ARHGAP12: variants seen among roughly 807,000 people sequenced by gnomAD.
The protein encoded by ARHGAP12 is Rho GTPase activating protein 12.
A neutral mutation model predicts 108.6 loss-of-function variants in ARHGAP12; 64 were observed. The observed-to-expected ratio is 0.59, with a 90% CI of 0.48 to 0.73. The LOEUF is 0.73. ARHGAP12 is among the 30% of genes least tolerant of loss of function. The pLI is 0.00. For missense variants in ARHGAP12, 940 were observed against 1,005.9 expected (o/e 0.93, Z 0.89); for synonymous variants, 312 against 337.2 (o/e 0.93, Z 0.82).
chr10:31,882,743 G>A (rs1294262121), intron 3 of ARHGAP12, among the ~76,000 whole-genome samples: 1 of 151,056 alleles, frequency 6.6e-6, no homozygotes, highest in Non-Finnish European at 1.5e-5. Flanking sequence ...AACTTGGGAG[G>A]TGGAAGCTGC....
chr10:31,847,212 G>A (rs1451360261), intron 6 of ARHGAP12, among the ~76,000 whole-genome samples: 2 of 151,996 alleles, frequency 1.3e-5, no homozygotes, highest in African/African-American at 4.8e-5. Context: ...ATCTTGGTGT[G>A]TCACCAACCT....
At chr10:31,823,454 A>G (rs1440764995) in intron 11 of ARHGAP12, among the ~76,000 whole-genome samples, 4 of 151,338 alleles carry the variant, frequency 2.6e-5, no homozygotes, top group African/African-American at 9.8e-5. Context: ...CATTTACTCA[A>G]TTTTAACCAT....
chr10:31,812,888 C>T, intron 14 of ARHGAP12, 65 bp from the exon 15 acceptor site: 1 of 871,458 alleles, frequency 1.1e-6, no homozygotes, highest in South Asian at 1.7e-5. Context: ...CAAGTTTTTC[C>T]AGCTAGCATG....
At chr10:31,875,751 C>T (rs762270459) in intron 3 of ARHGAP12, among the ~76,000 whole-genome samples, 9 of 152,132 alleles carry the variant, frequency 5.9e-5, no homozygotes, top group Non-Finnish European at 1.3e-4. Flanking sequence ...AAGTACTTTC[C>T]CACTACGGTG....
At chr10:31,870,038 C>T (rs1837480030) in intron 3 of ARHGAP12, among the ~76,000 whole-genome samples, 1 of 152,064 alleles carries the variant, frequency 6.6e-6, no homozygotes, top group East Asian at 1.9e-4. Flanking sequence ...TCCCTACAGC[C>T]TATAATCATA....
intron 9 of ARHGAP12, among the ~76,000 whole-genome samples, chr10:31,833,216 T>G (rs1315043261): frequency 6.6e-6 from 1 of 151,684 alleles, no homozygotes; most frequent in African/African-American, 2.4e-5. Context: ...GGGAACTAAG[T>G]AACAACATTA....
chr10:31,810,785 C>A (rs766738376), intron 15 of ARHGAP12, 38 bp from the exon 16 acceptor site: 7 of 1,496,714 alleles, frequency 4.7e-6, no homozygotes, highest in Non-Finnish European at 6.5e-6. Context: ...AATCACCTTG[C>A]TGAAATTCAG....
intron 3 of ARHGAP12, among the ~76,000 whole-genome samples, chr10:31,864,974 G>A (rs1203737446): frequency 6.6e-6 from 1 of 151,884 alleles, no homozygotes; most frequent in Non-Finnish European, 1.5e-5. Flanking sequence ...TAAATAAACA[G>A]GAGTTAGCCC....
At chr10:31,893,503 G>A (rs1400482599) in intron 3 of ARHGAP12, among the ~76,000 whole-genome samples, 2 of 152,090 alleles carry the variant, frequency 1.3e-5, no homozygotes, top group Admixed American at 6.6e-5. Flanking sequence ...TAGAAGAAAC[G>A]GATAAATTCC....
At chr10:31,860,051 C>T (rs779656889) in intron 4 of ARHGAP12, among the ~76,000 whole-genome samples, 1 of 152,154 alleles carries the variant, frequency 6.6e-6, no homozygotes, top group Non-Finnish European at 1.5e-5. Flanking sequence ...GAATTACAGG[C>T]ATGAGCCACT....
chr10:31,867,611 C>T (rs1037156649), intron 3 of ARHGAP12, among the ~76,000 whole-genome samples: 1 of 152,048 alleles, frequency 6.6e-6, no homozygotes, highest in Non-Finnish European at 1.5e-5. Flanking sequence ...TGGGATGTAA[C>T]AACTCTAGTT....
At chr10:31,890,895 T>C (rs1226284621) in intron 3 of ARHGAP12, among the ~76,000 whole-genome samples, 2 of 152,210 alleles carry the variant, frequency 1.3e-5, no homozygotes, top group Non-Finnish European at 2.9e-5. Flanking sequence ...ATTTGTATAA[T>C]ACTTTGTAAA....
At position 31,854,098 on chromosome 10, in the gene ARHGAP12, T is replaced by TATGC; in HGVS notation, c.1053_1056dup (p.Thr353AlafsTer7). 6.2e-7 allele frequency: 1 copy of TATGC among 1,613,632 alleles called. No homozygotes were observed. ...TTAGTATAGTCACTGGTATATAAGG[T>TATGC]ATGCCCACGTTCATCCAACTCTTCT... is the stretch of plus-strand genomic sequence containing the variant. On this transcript the variant is annotated frameshift_variant, in exon 5 of 20. Coordinates refer to ENST00000344936, the MANE Select transcript of ARHGAP12 (RefSeq NM_018287.7). LOFTEE classifies it high-confidence loss of function.
In ARHGAP12 at chr10:31,807,721, A is replaced by C. The variant is rs199735510; in HGVS notation, c.2478T>G (p.Thr826=). The C allele has an allele frequency of 1.2e-6, 2 of 1,609,086 alleles. No homozygotes were observed. The highest frequency in any genetic ancestry group is 4.5e-5 in the East Asian group (2 of 44,714). The change falls in exon 20 of 20, where the codon ACT becomes ACG. Residue 826 remains threonine (T), a synonymous_variant. Transcript: ENST00000344936. ...EKETGNIAVH[T]VYQNQIVELI... ...ATTCTACAATCTGATTCTGGTACAC[A>C]GTATGAACTGCTATATTACCAGTCT...
intron 3 of ARHGAP12, among the ~76,000 whole-genome samples, chr10:31,897,402 T>TC (rs1370937442): frequency 6.6e-6 from 1 of 151,768 alleles, no homozygotes; most frequent in African/African-American, 2.4e-5. Context: ...CAGAACACTA[T>TC]CCCCTTCCCC....
Position 31,909,429 on chromosome 10 carries a change from C to A in ARHGAP12, c.-71-503G>T, listed in dbSNP as rs115464739. ...CACATCACTACAGCATGAGCCAGTT[C>A]CCACCTGTTTGGGGATGAATTGTGT... On this transcript the variant is annotated intron_variant, in intron 2 of 19. Transcript: ENST00000344936. Among the ~76,000 whole-genome samples the A allele has an allele frequency of 2.3e-3, 357 of 152,280 alleles. 1 individual carries two copies. Among genetic ancestry groups the A allele is most frequent in the African/African-American group, 8.4e-3 (348 of 41,554 alleles).
At chr10:31,915,637 A>C (rs1199830183) in intron 1 of ARHGAP12, among the ~76,000 whole-genome samples, 2 of 152,314 alleles carry the variant, frequency 1.3e-5, no homozygotes, top group African/African-American at 4.8e-5. Flanking sequence ...TGCATTTGTA[A>C]ATTAGCTAAA....
intron 10 of ARHGAP12, among the ~76,000 whole-genome samples, chr10:31,830,399 C>T (rs76839254): frequency 6.6e-6 from 1 of 151,968 alleles, no homozygotes; most frequent in East Asian, 1.9e-4. Context: ...TAAAAGGCTA[C>T]TATCATAGGA....
chr10:31,822,780 C>T (rs1047400200), intron 11 of ARHGAP12, among the ~76,000 whole-genome samples: 2 of 151,844 alleles, frequency 1.3e-5, no homozygotes, highest in African/African-American at 2.4e-5. Flanking sequence ...CTTTCCCTTC[C>T]TCTAGGACAC....
Sources: gnomAD v4.1 joint callset for allele counts (sites outside exome capture counted in the v4.1 genomes callset) on GRCh38, gnomAD v4.1.1 for gene constraint, MANE v1.5 for transcripts, NCBI Gene and HGNC (gene_info 2026-07-23, HGNC 2026-07-21) for gene names.